LRIG1: variants seen among roughly 807,000 people sequenced by gnomAD.
LRIG1 encodes leucine rich repeats and immunoglobulin like domains 1, also known as leucine-rich repeats and immunoglobulin-like domains protein 1.
In LRIG1, 48 loss-of-function variants were observed where a neutral mutation model predicts 99.2. The ratio of observed to expected loss-of-function variants is 0.48; its 90% confidence interval spans 0.38 to 0.62. The LOEUF is 0.62. LRIG1 is among the 20% of genes least tolerant of loss of function. The probability of loss-of-function intolerance (pLI) is 0.00; values close to 1 mark genes in which losing one functional copy is unlikely to be tolerated. For missense variants in LRIG1, 1,646 were observed against 1,434.4 expected, an observed-to-expected ratio of 1.15 and a Z score of -2.38; for synonymous variants, 772 against 596.1, an observed-to-expected ratio of 1.29 and a Z score of -4.30.
intron 2 of LRIG1, among the ~76,000 whole-genome samples, chr3:66,454,857 T>C (rs1700175010): frequency 6.6e-6 from 1 of 152,230 alleles, no homozygotes; most frequent in Non-Finnish European, 1.5e-5. Context: ...CAAAATGTGA[T>C]AAAGGCTATT....
intron 11 of LRIG1, among the ~76,000 whole-genome samples, 153 bp from the exon 12 acceptor site, chr3:66,394,356 A>G (rs1428739457): frequency 6.6e-6 from 1 of 152,204 alleles, no homozygotes; most frequent in Non-Finnish European, 1.5e-5. Flanking sequence ...CTTCCTCTCC[A>G]ATTTCCCAGG....
chr3:66,432,952 G>A (rs533047566), intron 3 of LRIG1, among the ~76,000 whole-genome samples: 3 of 152,260 alleles, frequency 2.0e-5, no homozygotes, highest in East Asian at 1.9e-4. Flanking sequence ...ACACCCACAC[G>A]TAGGCTTCCA....
At chr3:66,446,897 G>C (rs1703747748) in intron 3 of LRIG1, among the ~76,000 whole-genome samples, 1 of 150,868 alleles carries the variant, frequency 6.6e-6, no homozygotes, top group Non-Finnish European at 1.5e-5. Flanking sequence ...CCAGGGGCTA[G>C]GGTGAGGGAT....
At chr3:66,421,288 A>G (rs1172819857) in intron 3 of LRIG1, among the ~76,000 whole-genome samples, 1 of 152,236 alleles carries the variant, frequency 6.6e-6, no homozygotes, top group Non-Finnish European at 1.5e-5. Context: ...CATTAACTCA[A>G]AAGTCCACAG....
In LRIG1 at chr3:66,497,211, T is replaced by A. The variant is rs148345970; in HGVS notation, c.218+2979A>T. 1.6e-3 allele frequency among the ~76,000 whole-genome samples: 242 copies of A among 152,254 alleles called. 4 individuals are homozygous for A. Among genetic ancestry groups the A allele is most frequent in the African/African-American group, 5.7e-3 (238 of 41,556 alleles). On this transcript the variant is annotated intron_variant, in intron 1 of 18. Coordinates refer to ENST00000273261, the MANE Select transcript of LRIG1 (RefSeq NM_015541.3). ...CCTGCCTTCCTAATCCTAATCCCAA[T>A]CCCAATGGGCTACCATTCAGCTCTC...
intron 3 of LRIG1, among the ~76,000 whole-genome samples, chr3:66,427,714 C>T (rs1352302713): frequency 6.6e-6 from 1 of 152,200 alleles, no homozygotes; most frequent in African/African-American, 2.4e-5. Context: ...TGTTTGTAAA[C>T]ATTTTTATTG....
chr3:66,425,456 G>C (rs1360875356), intron 3 of LRIG1, among the ~76,000 whole-genome samples: 1 of 152,188 alleles, frequency 6.6e-6, no homozygotes, highest in African/African-American at 2.4e-5. Context: ...GAATGTTCTG[G>C]ATGGAAAGAA....
chr3:66,403,349 T>G (rs1415111598), intron 9 of LRIG1, among the ~76,000 whole-genome samples: 2 of 152,216 alleles, frequency 1.3e-5, no homozygotes, highest in African/African-American at 4.8e-5. Context: ...CTTGTTTATT[T>G]ATTGTCCCAG....
intron 11 of LRIG1, among the ~76,000 whole-genome samples, chr3:66,395,698 G>A (rs796448350): frequency 2.6e-5 from 4 of 152,354 alleles, no homozygotes; most frequent in East Asian, 1.9e-4. Context: ...GGTGGCGGAA[G>A]GGCTGTAACG....
Position 66,452,523 on chromosome 3 carries a change from T to A in LRIG1, c.291-890A>T, listed in dbSNP as rs76463439. On this transcript the variant is annotated intron_variant, in intron 2 of 18. Transcript: ENST00000273261. ...CAAAGTGTTCAGGCTTTCTGCCAGG[T>A]GATGGGCTAGAAAGAAATTGTACTT... is the stretch of plus-strand genomic sequence containing the variant. Among the ~76,000 whole-genome samples the A allele has an allele frequency of 6.3e-4, 96 of 152,266 alleles. 1 individual carries two copies. In the East Asian group the frequency reaches 0.014, roughly 22 times the overall value.
At position 66,382,341 on chromosome 3, in the gene LRIG1, G is replaced by T; in HGVS notation, c.2549C>A (p.Ser850Tyr). 6.2e-7 allele frequency: 1 copy of T among 1,614,232 alleles called. No individual in the cohort carries two copies. Among genetic ancestry groups the T allele is most frequent in the South Asian group, 1.1e-5 (1 of 91,086 alleles). ...CCTGACCACGGTTTCTTGTCGGTCA[G>T]AAAGGGTCCCCTGAGAAGAGAGGTA... Reference protein sequence around the residue: ...PSYLSSQGTLSDRQETVVRTE... With the variant: ...PSYLSSQGTLYDRQETVVRTE... The change falls in exon 16 of 19, where the codon TCT becomes TAT. Residue 850 changes from serine (S) to tyrosine (Y), a missense_variant. Coordinates refer to ENST00000273261, the MANE Select transcript of LRIG1 (RefSeq NM_015541.3).
At chr3:66,411,351 G>C (rs1005076343) in intron 6 of LRIG1, among the ~76,000 whole-genome samples, 3 of 152,154 alleles carry the variant, frequency 2.0e-5, no homozygotes, top group Admixed American at 2.0e-4. Flanking sequence ...CTCTAAGGCA[G>C]CTCATCAGTC....
At position 66,380,430 on chromosome 3, in the gene LRIG1, C is replaced by G; in HGVS notation, c.3115G>C (p.Ala1039Pro). The change falls in exon 19 of 19, where the codon GCA becomes CCA. Residue 1039 changes from alanine (A) to proline (P), a missense_variant. Transcript: ENST00000273261. The part of the protein sequence containing the change: ...YHPDSTELQP[A>P]SSLTSGSPER... ...GGACTGCCTGAAGTTAATGAAGATGCAGGCTGTAGCTCTGTGGAGTCCGGG... is the reference window on the plus strand; with the variant it reads ...GGACTGCCTGAAGTTAATGAAGATGGAGGCTGTAGCTCTGTGGAGTCCGGG... 2 of 1,614,182 alleles carry G rather than the reference C, an allele frequency of 1.2e-6. No individual in the cohort carries two copies. Among genetic ancestry groups the G allele is most frequent in the South Asian group, 1.1e-5 (1 of 91,080 alleles).
chr3:66,382,766 CTTGTAT>C (rs1467376158), intron 15 of LRIG1, among the ~76,000 whole-genome samples: 2 of 152,082 alleles, frequency 1.3e-5, no homozygotes, highest in Non-Finnish European at 2.9e-5. Flanking sequence ...GCGTCAGTTA[CTTGTAT>C]TTGTGAGTAT....
intron 1 of LRIG1, among the ~76,000 whole-genome samples, chr3:66,499,638 G>A (rs1346259956): frequency 6.6e-6 from 1 of 152,122 alleles, no homozygotes; most frequent in Non-Finnish European, 1.5e-5. Context: ...CGGTCTTCGG[G>A]GATCAGGAGA....
chr3:66,439,127 A>G (rs1327578810), intron 3 of LRIG1, among the ~76,000 whole-genome samples: 1 of 152,220 alleles, frequency 6.6e-6, no homozygotes, highest in Non-Finnish European at 1.5e-5. Context: ...CCAGGTGGTG[A>G]AAGGGTTTAT....
chr3:66,476,873 T>C (rs897645850), intron 1 of LRIG1, among the ~76,000 whole-genome samples: 1 of 152,196 alleles, frequency 6.6e-6, no homozygotes, highest in African/African-American at 2.4e-5. Flanking sequence ...GTAGGGATCA[T>C]CCTACTTATA....
chr3:66,425,404 A>C (rs1366599203), intron 3 of LRIG1, among the ~76,000 whole-genome samples: 1 of 152,252 alleles, frequency 6.6e-6, no homozygotes, highest in Non-Finnish European at 1.5e-5. Flanking sequence ...CATGTGACAG[A>C]ATCTCAGCAA....
At position 66,425,866 on chromosome 3, in the gene LRIG1, G is replaced by A. The variant is rs374835543; in HGVS notation, c.366-8600C>T. Among the ~76,000 whole-genome samples the A allele has an allele frequency of 9.8e-5, 15 of 152,326 alleles. No homozygotes were observed. In the South Asian group the frequency reaches 1.7e-3, roughly 17 times the overall value. Reference sequence around the variant, plus strand: ...AAAAATAAAATCAGTCTTCAAAGGCGGAAAGCAGGCAAGATAAGCTCTCCC... The same window carrying A: ...AAAAATAAAATCAGTCTTCAAAGGCAGAAAGCAGGCAAGATAAGCTCTCCC... On this transcript the variant is annotated intron_variant, in intron 3 of 18. Coordinates refer to ENST00000273261, the MANE Select transcript of LRIG1 (RefSeq NM_015541.3).
Sources: gnomAD v4.1 joint callset for allele counts (sites outside exome capture counted in the v4.1 genomes callset) on GRCh38, gnomAD v4.1.1 for gene constraint, MANE v1.5 for transcripts, NCBI Gene and HGNC (gene_info 2026-07-23, HGNC 2026-07-21) for gene names.